The following PMPCB variants were observed in gnomAD, a reference collection of about 807,000 sequenced individuals.
PMPCB encodes peptidase, mitochondrial processing subunit beta, also known as mitochondrial-processing peptidase subunit beta.
In PMPCB, 46 loss-of-function variants were observed where a neutral mutation model predicts 61.5. That is an observed-to-expected ratio of 0.75 (90% CI 0.59 to 0.96). The LOEUF is 0.96. Ranked by LOEUF, PMPCB falls within the 40% of genes least tolerant of loss-of-function variation. The pLI is 0.00. For synonymous variants in PMPCB, 191 were observed against 201.6 expected (o/e 0.95, Z 0.44); for missense variants, 590 against 602.4 (o/e 0.98, Z 0.22).
chr7:103,320,711 T>A (rs1218565695), intron 12 of PMPCB: 1 of 149,548 alleles, frequency 6.7e-6, no homozygotes, highest in Admixed American at 6.7e-5. Flanking sequence ...GCCACTGTAC[T>A]CCAGCCTGGG....
chr7:103,312,453 G>C lies in PMPCB; in HGVS notation c.*182G>C, dbSNP rs1734926118. ...TTAATGGTCAGTCTTTGTTCTCTGA[G>C]AAATTATGTTGGAAGCAGCATACTT... On this transcript the variant is annotated 3_prime_UTR_variant, in exon 13 of 13. Transcript: ENST00000249269. The C allele has an allele frequency of 1.3e-6, 2 of 1,527,666 alleles. No homozygotes were observed. Among genetic ancestry groups the C allele is most frequent in the Non-Finnish European group, 1.7e-6 (2 of 1,146,238 alleles). The allele number at this position is 1,527,666 out of a possible 1,614,324, so 94.6% of individuals were successfully genotyped here. A position where few individuals can be genotyped will look rare whatever the true frequency, so the allele number is the denominator to read the frequency against.
rs539297661 is a variant in PMPCB at position 103,314,040 on chromosome 7, A to C, written c.*1769A>C. On this transcript the variant is annotated 3_prime_UTR_variant, in exon 13 of 13. Transcript: ENST00000249269. The stretch of plus-strand genomic sequence containing the variant: ...TAAAGAAGGAAAAACAAAACAAAAC[A>C]AAACAAAACCACCACCTATTCAAAA... 1 of 985,308 alleles carries C rather than the reference A, an allele frequency of 1.0e-6. No individual in the cohort carries two copies. Among genetic ancestry groups the C allele is most frequent in the Admixed American group, 6.1e-5 (1 of 16,278 alleles). 61.0% of individuals were successfully genotyped at this position (985,308 alleles called of 1,614,324 possible).
At chr7:103,310,943 T>A (rs943359961) in intron 9 of PMPCB, 1 of 152,536 alleles carries the variant, frequency 6.6e-6, no homozygotes, top group Non-Finnish European at 1.5e-5. Context: ...CTTCTCAGCC[T>A]CCCAAAGTGC....
chr7:103,332,869 C>T (rs1183819624), downstream of PMPCB, among the ~76,000 whole-genome samples: 1 of 152,162 alleles, frequency 6.6e-6, no homozygotes, highest in Non-Finnish European at 1.5e-5. Context: ...AACAATCCAC[C>T]CACCTCAGCC....
At chr7:103,331,730 ACTTTT>A (rs1818981051), downstream of PMPCB, among the ~76,000 whole-genome samples, 1 of 152,154 alleles carries the variant, frequency 6.6e-6, no homozygotes, top group African/African-American at 2.4e-5. Flanking sequence ...GTATACATAT[ACTTTT>A]CTTTATCAAC....
In PMPCB at chr7:103,310,416, G is replaced by A; in HGVS notation, c.1095G>A (p.Leu365=). The A allele has an allele frequency of 1.2e-6, 2 of 1,613,500 alleles. No individual in the cohort carries two copies. The highest frequency in any genetic ancestry group is 1.7e-6 in the Non-Finnish European group (2 of 1,179,568). Residue 365 remains leucine (L), a synonymous_variant, in exon 9 of 13, where the codon CTG becomes CTA. Transcript: ENST00000249269. Reference sequence around the variant, plus strand: ...ACACAGATACAGGATTATGGGGACTGTATATGGTTTGTGAATCATCCACTG... The same window carrying A: ...ACACAGATACAGGATTATGGGGACTATATATGGTTTGTGAATCATCCACTG... ...TSYTDTGLWG[L]YMVCESSTVA... is the part of the protein sequence containing the mutation.
At chr7:103,337,562 C>A in the PMPCB span, 1 of 561,528 alleles carries the variant, frequency 1.8e-6, no homozygotes, top group Non-Finnish European at 3.1e-6. Context: ...GGATTGCTTT[C>A]TTCTGATTCT....
intron 12 of PMPCB, among the ~76,000 whole-genome samples, chr7:103,325,140 A>G (rs1450046373): frequency 6.6e-6 from 1 of 152,154 alleles, no homozygotes; most frequent in Non-Finnish European, 1.5e-5. Flanking sequence ...TTACCACCTC[A>G]GCACTGCTAT....
the PMPCB span, chr7:103,344,468 C>A: frequency 6.8e-7 from 1 of 1,467,446 alleles, no homozygotes; most frequent in South Asian, 1.1e-5. Context: ...TCGCCAGGGT[C>A]AAGGGTAGAG....
chr7:103,341,144 C>T, the PMPCB span, among the ~76,000 whole-genome samples: 1 of 152,192 alleles, frequency 6.6e-6, no homozygotes, highest in Non-Finnish European at 1.5e-5. Context: ...GATTCAGTCA[C>T]AGGTCTGCCT....
chr7:103,346,951 A>C, the PMPCB span, among the ~76,000 whole-genome samples: 1 of 152,204 alleles, frequency 6.6e-6, no homozygotes, highest in African/African-American at 2.4e-5. Flanking sequence ...AATGCTGCTT[A>C]TGGACATGGA....
the PMPCB span, among the ~76,000 whole-genome samples, chr7:103,339,045 A>T: frequency 6.6e-6 from 1 of 152,262 alleles, no homozygotes. Flanking sequence ...AAAAATAAAC[A>T]AACAGAAACC....
chr7:103,341,617 C>T, the PMPCB span: 5 of 592,232 alleles, frequency 8.4e-6, no homozygotes, highest in Non-Finnish European at 1.4e-5. Context: ...AGTGCTAATG[C>T]TCTCAAGACT....
chr7:103,329,799 A>G (rs1351816211), downstream of PMPCB, among the ~76,000 whole-genome samples: 1 of 152,140 alleles, frequency 6.6e-6, no homozygotes, highest in Admixed American at 6.5e-5. Context: ...AAAACTGTGT[A>G]ATTTTTGCTT....
chr7:103,339,604 GT>G, the PMPCB span, among the ~76,000 whole-genome samples: 15,208 of 143,750 alleles, frequency 0.11, 981 homozygotes, highest in Non-Finnish European at 0.16. Context: ...AAATCCAATG[GT>G]TTTTTTTTTT....
At chr7:103,338,621 G>A in the PMPCB span, among the ~76,000 whole-genome samples, 1 of 151,858 alleles carries the variant, frequency 6.6e-6, no homozygotes, top group African/African-American at 2.4e-5. Context: ...TTAAAAAAAA[G>A]AAGAGACAGG....
the PMPCB span, among the ~76,000 whole-genome samples, chr7:103,346,409 G>A: frequency 2.0e-5 from 3 of 152,188 alleles, no homozygotes; most frequent in African/African-American, 4.8e-5. Flanking sequence ...GGAATTACAG[G>A]GGTGAGCCAC....
At chr7:103,322,120 G>C in intron 12 of PMPCB, 1 of 1,423,126 alleles carries the variant, frequency 7.0e-7, no homozygotes, top group Non-Finnish European at 9.4e-7. Context: ...AATAGGTACA[G>C]TAAAATTCCT....
At chr7:103,306,329 G>A (rs1817574132) in intron 6 of PMPCB, among the ~76,000 whole-genome samples, 1 of 151,380 alleles carries the variant, frequency 6.6e-6, no homozygotes, top group Admixed American at 6.6e-5. Context: ...TTTGCATTTG[G>A]ATACCTATTG....
Sources: gnomAD v4.1 joint callset for allele counts (sites outside exome capture counted in the v4.1 genomes callset) on GRCh38, gnomAD v4.1.1 for gene constraint, MANE v1.5 for transcripts, NCBI Gene and HGNC (gene_info 2026-07-23, HGNC 2026-07-21) for gene names.